Variants in FHL5 observed in about 807,000 individuals in gnomAD.
FHL5 encodes the protein four and a half LIM domains protein 5.
Under a neutral mutation model 32.0 loss-of-function variants are expected in FHL5, and 33 were observed. The observed-to-expected ratio is 1.03, with a 90% confidence interval of 0.78 to 1.38. The LOEUF is 1.38. Ranked by LOEUF, FHL5 falls within the 40% of genes most tolerant of loss-of-function variation. The pLI, the probability that FHL5 is intolerant of heterozygous loss-of-function variation, is 0.00. For missense variants in FHL5, 336 were observed against 343.9 expected (o/e 0.98, Z 0.18); for synonymous variants, 114 against 113.6 (o/e 1.00, Z -0.02).
At chr6:96,587,183 A>G (rs149559559) in intron 1 of FHL5, among the ~76,000 whole-genome samples, 1 of 152,186 alleles carries the variant, frequency 6.6e-6, no homozygotes, top group Non-Finnish European at 1.5e-5. Context: ...TAGCTGAAAA[A>G]CGCACAAGAA....
intron 1 of FHL5, among the ~76,000 whole-genome samples, chr6:96,584,240 C>G (rs1191907340): frequency 6.6e-6 from 1 of 152,060 alleles, no homozygotes; most frequent in Non-Finnish European, 1.5e-5. Flanking sequence ...GAAAATGCTA[C>G]AGAGAGAAGG....
intron 4 of FHL5, among the ~76,000 whole-genome samples, chr6:96,609,738 G>A (rs1051362812): frequency 2.0e-5 from 3 of 152,148 alleles, no homozygotes; most frequent in Non-Finnish European, 2.9e-5. Context: ...GCTTATCTGT[G>A]TAAGGTAACC....
At chr6:96,591,195 A>T (rs1472677668) in intron 1 of FHL5, among the ~76,000 whole-genome samples, 2 of 152,150 alleles carry the variant, frequency 1.3e-5, no homozygotes, top group African/African-American at 4.8e-5. Context: ...TGGTAAAGCC[A>T]CTTTGGCTTT....
rs998423392 is a variant in FHL5, at chr6:96,617,431, C to T, written c.*1659C>T. On this transcript the variant is annotated 3_prime_UTR_variant, in exon 6 of 6. Coordinates refer to ENST00000450218, the MANE Select transcript of FHL5 (RefSeq NM_001322466.2). ...TAGTTTAAAATGCAAGAATATTCAG[C>T]GATGTTAATAATTTAGAGATACTAA... Among the ~76,000 whole-genome samples the T allele has an allele frequency of 2.0e-4, 31 of 152,218 alleles. No individual in the cohort carries two copies. The highest frequency in any genetic ancestry group is 8.3e-4 in the South Asian group (4 of 4,818).
At chr6:96,599,085 G>C (rs1046030089) in intron 1 of FHL5, among the ~76,000 whole-genome samples, 3 of 151,908 alleles carry the variant, frequency 2.0e-5, no homozygotes, top group Non-Finnish European at 2.9e-5. Flanking sequence ...ATAGCATTAG[G>C]CTTTTCATCA....
intron 1 of FHL5, among the ~76,000 whole-genome samples, chr6:96,570,143 C>T (rs1320034173): frequency 1.3e-5 from 2 of 151,948 alleles, no homozygotes; most frequent in African/African-American, 2.4e-5. Flanking sequence ...ATCACTTAAG[C>T]ATTTCTGGTA....
rs370734014 is a variant in FHL5 at position 96,579,601 on chromosome 6, C to A, written c.-13+16246C>A. 4.6e-5 allele frequency among the ~76,000 whole-genome samples: 7 copies of A among 152,176 alleles called. 1 individual carries two copies. Among genetic ancestry groups the A allele is most frequent in the African/African-American group, 1.4e-4 (6 of 41,520 alleles). Reference sequence around the variant, plus strand: ...ATAAATGTCATGATTTTGCCATGTACCATGTGTGTATTTTGATATTGTCAT... The same window carrying A: ...ATAAATGTCATGATTTTGCCATGTAACATGTGTGTATTTTGATATTGTCAT... On this transcript the variant is annotated intron_variant, in intron 1 of 5. Transcript: ENST00000450218.
intron 4 of FHL5, among the ~76,000 whole-genome samples, chr6:96,607,238 G>A (rs528419471): frequency 6.6e-4 from 97 of 147,332 alleles, no homozygotes; most frequent in Non-Finnish European, 1.0e-3. Flanking sequence ...ACCATAAATT[G>A]TCATGAGAAA....
intron 1 of FHL5, among the ~76,000 whole-genome samples, chr6:96,590,175 G>T (rs902782219): frequency 6.6e-6 from 1 of 151,942 alleles, no homozygotes; most frequent in Non-Finnish European, 1.5e-5. Flanking sequence ...TATGGAATTA[G>T]CTTGTAAAAA....
intron 1 of FHL5, among the ~76,000 whole-genome samples, chr6:96,598,687 T>C (rs974816198): frequency 2.6e-5 from 4 of 152,202 alleles, no homozygotes; most frequent in African/African-American, 9.7e-5. Context: ...TTCTAATGTG[T>C]ACCCAATGTT....
At position 96,575,382 on chromosome 6, in the gene FHL5, A is replaced by G. The variant is rs1770563046; in HGVS notation, c.-13+12027A>G. On this transcript the variant is annotated intron_variant, in intron 1 of 5. Transcript: ENST00000450218. ...TTTATTATCAACCTCATTATTGTTA[A>G]TGCGGGAGTAGAAAACAAAACGTGC... Among the ~76,000 whole-genome samples, 8 of 152,348 alleles carry G rather than the reference A, an allele frequency of 5.3e-5. No individual in the cohort carries two copies. The South Asian group carries it at 1.7e-3, about 32-fold the overall frequency.
chr6:96,615,569 T>C, intron 5 of FHL5, 40 bp from the exon 6 acceptor site: 1 of 1,539,640 alleles, frequency 6.5e-7, no homozygotes, highest in Non-Finnish European at 8.8e-7. Context: ...ATCTGTTCCT[T>C]GAAAGGATAG....
intron 1 of FHL5, among the ~76,000 whole-genome samples, chr6:96,583,102 G>A (rs1192109531): frequency 6.6e-6 from 1 of 152,084 alleles, no homozygotes; most frequent in Non-Finnish European, 1.5e-5. Context: ...ACGAGAATCT[G>A]TAGCTTTTGA....
intron 1 of FHL5, among the ~76,000 whole-genome samples, chr6:96,565,278 G>A (rs1042300103): frequency 3.9e-5 from 6 of 152,060 alleles, no homozygotes; most frequent in African/African-American, 1.4e-4. Context: ...AATAAATAAA[G>A]CTAGAGAGTC....
intron 5 of FHL5, among the ~76,000 whole-genome samples, 186 bp from the exon 6 acceptor site, chr6:96,615,423 T>C (rs1394299709): frequency 3.9e-5 from 6 of 152,218 alleles, no homozygotes; most frequent in Admixed American, 3.3e-4. Context: ...GGCATAGGTG[T>C]AACTTTCCTA....
chr6:96,580,713 C>A (rs1770679970), intron 1 of FHL5, among the ~76,000 whole-genome samples: 1 of 152,138 alleles, frequency 6.6e-6, no homozygotes, highest in African/African-American at 2.4e-5. Flanking sequence ...TTGGCATAAT[C>A]TCAGAAAAGA....
chr6:96,588,329 G>A (rs1182250353), intron 1 of FHL5, among the ~76,000 whole-genome samples: 1 of 152,058 alleles, frequency 6.6e-6, no homozygotes, highest in South Asian at 2.1e-4. Context: ...TCCTGCCTCA[G>A]CCTCCCAACT....
At chr6:96,594,473 T>C (rs1468836675) in intron 1 of FHL5, among the ~76,000 whole-genome samples, 1 of 151,624 alleles carries the variant, frequency 6.6e-6, no homozygotes, top group East Asian at 1.9e-4. Flanking sequence ...AACAAAAATA[T>C]TAAATTAGGC....
At chr6:96,587,241 CA>C (rs1334845961) in intron 1 of FHL5, among the ~76,000 whole-genome samples, 1 of 152,054 alleles carries the variant, frequency 6.6e-6, no homozygotes, top group Non-Finnish European at 1.5e-5. Flanking sequence ...TTTCTCTCAT[CA>C]AACAAGAGCA....
Sources: allele counts gnomAD v4.1 joint callset (sites outside exome capture counted in the v4.1 genomes callset), GRCh38; gene constraint gnomAD v4.1.1; transcripts MANE v1.5; gene names NCBI Gene and HGNC (gene_info 2026-07-23, HGNC 2026-07-21).